ERC2: variants seen among roughly 807,000 people sequenced by gnomAD.
ERC2 encodes the protein ERC protein 2.
ERC2 carries 42 observed loss-of-function variants against 114.8 expected under a neutral mutation model. That is an observed-to-expected ratio of 0.37 (90% CI 0.29 to 0.47). The LOEUF (loss-of-function observed/expected upper bound fraction) is 0.47. ERC2 is among the 20% of genes least tolerant of loss of function. ERC2 has a pLI of 0.99. For missense variants in ERC2, 939 were observed against 1,150.7 expected (o/e 0.82, Z 2.66); for synonymous variants, 454 against 425.5 (o/e 1.07, Z -0.82).
rs142841941 is a variant in ERC2 at position 56,108,347 on chromosome 3, G to A, written c.1474-27363C>T. On this transcript the variant is annotated intron_variant, in intron 6 of 17. Coordinates refer to ENST00000288221, the MANE Select transcript of ERC2 (RefSeq NM_015576.3). ...AATATTTAATGTTTTGAAGTTTATC[G>A]CAGAACAACACACAAAAAATATTTT... Among the ~76,000 whole-genome samples, 31 of 151,916 alleles carry A rather than the reference G, an allele frequency of 2.0e-4. No individual in the cohort carries two copies. The East Asian group carries it at 2.9e-3, about 14-fold the overall frequency.
At chr3:55,555,797 T>G (rs889350672) in intron 17 of ERC2, among the ~76,000 whole-genome samples, 9 of 152,168 alleles carry the variant, frequency 5.9e-5, no homozygotes, top group Admixed American at 5.9e-4. Flanking sequence ...CTAGAGTGTC[T>G]CCAGGTAGCT....
At chr3:55,524,176 C>A (rs1021516677) in intron 17 of ERC2, among the ~76,000 whole-genome samples, 1 of 152,246 alleles carries the variant, frequency 6.6e-6, no homozygotes, top group Non-Finnish European at 1.5e-5. Context: ...TTATCTCCCC[C>A]TCTATACTCG....
intron 14 of ERC2, among the ~76,000 whole-genome samples, chr3:55,808,651 G>A (rs1167579390): frequency 7.0e-6 from 1 of 142,704 alleles, no homozygotes; most frequent in African/African-American, 2.6e-5. Flanking sequence ...CTCAGAGAGG[G>A]TAAATGTTCA....
intron 3 of ERC2, among the ~76,000 whole-genome samples, chr3:56,281,772 A>G (rs139423475): frequency 1.1e-4 from 16 of 152,328 alleles, no homozygotes; most frequent in Non-Finnish European, 2.2e-4. Context: ...TATTTCCCAT[A>G]CAGTAGAATT....
At chr3:55,733,398 T>C (rs556454502) in intron 15 of ERC2, among the ~76,000 whole-genome samples, 91 of 151,650 alleles carry the variant, frequency 6.0e-4, no homozygotes, top group African/African-American at 2.2e-3. Flanking sequence ...ACAGTAGTGG[T>C]CTGTCTCTCT....
intron 17 of ERC2, among the ~76,000 whole-genome samples, chr3:55,551,180 A>G (rs2055178700): frequency 6.6e-6 from 1 of 152,042 alleles, no homozygotes. Flanking sequence ...ATATATACAC[A>G]CATACATACA....
chr3:56,449,023 C>T (rs900045025), intron 1 of ERC2, among the ~76,000 whole-genome samples: 1 of 141,472 alleles, frequency 7.1e-6, no homozygotes, highest in East Asian at 2.1e-4. Context: ...TGCAGTCAGC[C>T]GAGATTGTGC....
intron 5 of ERC2, among the ~76,000 whole-genome samples, chr3:56,145,516 C>A (rs1316088722): frequency 6.6e-6 from 1 of 152,214 alleles, no homozygotes; most frequent in Non-Finnish European, 1.5e-5. Flanking sequence ...TCAGCTCTCA[C>A]AGTTTGATTC....
At chr3:56,378,673 C>T (rs749080418) in intron 2 of ERC2, among the ~76,000 whole-genome samples, 6 of 152,164 alleles carry the variant, frequency 3.9e-5, no homozygotes, top group South Asian at 2.1e-4. Flanking sequence ...ATTCCAAGTT[C>T]CCAAAAGAGC....
chr3:55,828,778 G>GAA lies in ERC2; in HGVS notation c.2564+59609_2564+59610dup, dbSNP rs59092111. Among the ~76,000 whole-genome samples, 622 of 145,098 alleles carry GAA rather than the reference G, an allele frequency of 4.3e-3. 9 individuals are homozygous for GAA. The highest frequency in any genetic ancestry group is 0.015 in the African/African-American group (590 of 39,856). ...GGAACCTAACCAGGTTGACTGCTAA[G>GAA]AAAAAAAAAAAATTCAATATTCTCT... On this transcript the variant is annotated intron_variant, in intron 14 of 17. Transcript: ENST00000288221.
At chr3:55,674,687 G>T (rs1020097191) in intron 17 of ERC2, among the ~76,000 whole-genome samples, 1 of 152,124 alleles carries the variant, frequency 6.6e-6, no homozygotes, top group African/African-American at 2.4e-5. Context: ...GATCTAATAG[G>T]TTTAACTGAG....
intron 2 of ERC2, among the ~76,000 whole-genome samples, chr3:56,379,309 C>T (rs1313371155): frequency 6.6e-6 from 1 of 152,124 alleles, no homozygotes; most frequent in African/African-American, 2.4e-5. Flanking sequence ...GATAGCTCAT[C>T]TCTCATGAAT....
intron 3 of ERC2, among the ~76,000 whole-genome samples, chr3:56,174,383 C>A (rs1391379713): frequency 6.6e-6 from 1 of 152,170 alleles, no homozygotes; most frequent in East Asian, 1.9e-4. Flanking sequence ...TAACTATCAA[C>A]AGTTTTAGGA....
At chr3:55,814,209 T>C (rs1279472442) in intron 14 of ERC2, among the ~76,000 whole-genome samples, 1 of 152,220 alleles carries the variant, frequency 6.6e-6, no homozygotes, top group East Asian at 1.9e-4. Context: ...TTCAGGAAGA[T>C]TTAAATTAGA....
At chr3:55,888,246 C>T (rs2063442925) in intron 14 of ERC2, 143 bp downstream of exon 14, 2 of 982,602 alleles carry the variant, frequency 2.0e-6, no homozygotes, top group East Asian at 2.5e-5. Flanking sequence ...AAATAAGAAA[C>T]ATACTTTCAG....
chr3:56,129,369 T>A (rs767964765), intron 6 of ERC2, among the ~76,000 whole-genome samples: 1 of 152,180 alleles, frequency 6.6e-6, no homozygotes, highest in Non-Finnish European at 1.5e-5. Context: ...CAGGAAAGCA[T>A]AATCACAATG....
intron 6 of ERC2, among the ~76,000 whole-genome samples, chr3:56,132,735 C>CA (rs2080279241): frequency 6.6e-6 from 1 of 152,148 alleles, no homozygotes; most frequent in Admixed American, 6.5e-5. Flanking sequence ...TCAGAGAGAA[C>CA]AAAGTCATAC....
At chr3:55,616,915 G>A (rs1029473312) in intron 17 of ERC2, among the ~76,000 whole-genome samples, 15 of 152,110 alleles carry the variant, frequency 9.9e-5, no homozygotes, top group Non-Finnish European at 1.8e-4. Context: ...AGGAGGTGAA[G>A]TGATGAGCCA....
chr3:55,618,414 G>A (rs1337198769), intron 17 of ERC2, among the ~76,000 whole-genome samples: 1 of 152,154 alleles, frequency 6.6e-6, no homozygotes, highest in Non-Finnish European at 1.5e-5. Context: ...TAAAGGTTAA[G>A]CCCAAAAGGC....
Sources: gnomAD v4.1 joint callset for allele counts (sites outside exome capture counted in the v4.1 genomes callset) on GRCh38, gnomAD v4.1.1 for gene constraint, MANE v1.5 for transcripts, NCBI Gene and HGNC (gene_info 2026-07-23, HGNC 2026-07-21) for gene names.